The following EPHA6 variants were observed in gnomAD, a reference collection of about 807,000 sequenced individuals.
EPHA6 encodes the protein ephrin type-A receptor 6.
EPHA6 carries 50 observed loss-of-function variants against 112.0 expected under a neutral mutation model. The ratio of observed to expected loss-of-function variants is 0.45; its 90% CI spans 0.36 to 0.56. The LOEUF is 0.56. Among genes scored for constraint, EPHA6 ranks in the 20% least tolerant of loss-of-function variants. The pLI, the probability that EPHA6 is intolerant of heterozygous loss-of-function variation, is 0.00. For synonymous variants in EPHA6, 529 were observed against 490.7 expected, an observed-to-expected ratio of 1.08 and a Z score of -1.03; for missense variants, 1,280 against 1,417.4, an observed-to-expected ratio of 0.90 and a Z score of 1.56.
chr3:97,406,249 A>C (rs936169591), intron 6 of EPHA6, among the ~76,000 whole-genome samples: 2 of 152,162 alleles, frequency 1.3e-5, no homozygotes, highest in Non-Finnish European at 2.9e-5. Flanking sequence ...AGAATACCAC[A>C]GATGGAGTAA....
chr3:97,648,110 A>G (rs2094079773), intron 14 of EPHA6, among the ~76,000 whole-genome samples: 1 of 152,140 alleles, frequency 6.6e-6, no homozygotes, highest in Non-Finnish European at 1.5e-5. Context: ...CCTTGATTTT[A>G]ACTTCTAATT....
intron 3 of EPHA6, among the ~76,000 whole-genome samples, chr3:97,011,771 T>C (rs1341503492): frequency 6.6e-6 from 1 of 152,184 alleles, no homozygotes; most frequent in East Asian, 1.9e-4. Flanking sequence ...TAATACTCAA[T>C]AGTTTTTCAA....
intron 2 of EPHA6, among the ~76,000 whole-genome samples, chr3:96,887,503 G>T (rs1334612798): frequency 1.3e-5 from 2 of 152,166 alleles, no homozygotes; most frequent in African/African-American, 4.8e-5. Flanking sequence ...GGGAGCAGGG[G>T]TGCAACAGGA....
At chr3:97,457,177 A>G (rs1432021464) in intron 7 of EPHA6, among the ~76,000 whole-genome samples, 1 of 152,228 alleles carries the variant, frequency 6.6e-6, no homozygotes, top group Admixed American at 6.5e-5. Flanking sequence ...AAGCTCAAGT[A>G]GGGAATACAA....
intron 11 of EPHA6, among the ~76,000 whole-genome samples, chr3:97,548,764 G>T (rs931254482): frequency 6.6e-6 from 1 of 152,182 alleles, no homozygotes; most frequent in African/African-American, 2.4e-5. Context: ...GTGGTTGAAG[G>T]ACACCTGGGA....
intron 3 of EPHA6, among the ~76,000 whole-genome samples, chr3:97,099,182 C>T (rs1457117098): frequency 6.6e-6 from 1 of 151,856 alleles, no homozygotes; most frequent in Non-Finnish European, 1.5e-5. Flanking sequence ...GTTTAAGCTT[C>T]CTTATTGTTA....
intron 16 of EPHA6, among the ~76,000 whole-genome samples, chr3:97,737,064 C>A (rs9864542): frequency 0.48 from 73,166 of 151,806 alleles, 18,230 homozygotes; most frequent in East Asian, 0.72. Flanking sequence ...GAGTTCACCT[C>A]TAAATCACTA....
intron 3 of EPHA6, among the ~76,000 whole-genome samples, chr3:97,198,157 T>C (rs1229879403): frequency 6.6e-6 from 1 of 152,132 alleles, no homozygotes; most frequent in African/African-American, 2.4e-5. Context: ...TTTTTGTTCC[T>C]CCAAAGATGT....
chr3:97,411,119 AATTAAAACAGC>A (rs1311495491), intron 6 of EPHA6, among the ~76,000 whole-genome samples: 2 of 151,888 alleles, frequency 1.3e-5, no homozygotes, highest in Non-Finnish European at 2.9e-5. Context: ...ATTTGGTACT[AATTAAAACAGC>A]ATTACCTGAA....
chr3:97,156,999 C>G (rs1173664433), intron 3 of EPHA6, among the ~76,000 whole-genome samples: 4 of 151,980 alleles, frequency 2.6e-5, no homozygotes, highest in Non-Finnish European at 5.9e-5. Flanking sequence ...ACCATTCTTG[C>G]TTAAGAAGTA....
intron 3 of EPHA6, among the ~76,000 whole-genome samples, chr3:97,094,135 A>G (rs573799008): frequency 6.6e-6 from 1 of 152,270 alleles, no homozygotes; most frequent in East Asian, 1.9e-4. Context: ...GCCTTTCAAT[A>G]AAGTTTCTTT....
At chr3:97,581,905 T>C (rs531216216) in intron 11 of EPHA6, among the ~76,000 whole-genome samples, 1 of 152,372 alleles carries the variant, frequency 6.6e-6, no homozygotes, top group African/African-American at 2.4e-5. Context: ...ATATGGGGTA[T>C]TCTTTCTTTG....
intron 2 of EPHA6, among the ~76,000 whole-genome samples, chr3:96,936,701 T>C (rs919224234): frequency 1.2e-4 from 19 of 152,264 alleles, no homozygotes; most frequent in African/African-American, 4.6e-4. Flanking sequence ...GTTGGTGTGC[T>C]GCACCCATTA....
At chr3:96,997,895 A>G (rs1255108935) in intron 3 of EPHA6, among the ~76,000 whole-genome samples, 3 of 152,166 alleles carry the variant, frequency 2.0e-5, no homozygotes, top group Admixed American at 1.3e-4. Flanking sequence ...AGAAAATGCA[A>G]TATCTGCAAA....
chr3:97,648,844 C>T (rs1385054929), intron 14 of EPHA6, among the ~76,000 whole-genome samples: 1 of 152,172 alleles, frequency 6.6e-6, no homozygotes, highest in African/African-American at 2.4e-5. Flanking sequence ...CATTGAAATT[C>T]TACCACAGGA....
At chr3:97,114,807 C>A (rs1470415119) in intron 3 of EPHA6, among the ~76,000 whole-genome samples, 1 of 152,008 alleles carries the variant, frequency 6.6e-6, no homozygotes, top group Non-Finnish European at 1.5e-5. Flanking sequence ...TTTTTTCTCT[C>A]AACATTCTCA....
chr3:97,282,532 C>G (rs1219713302), intron 5 of EPHA6, among the ~76,000 whole-genome samples: 1 of 152,260 alleles, frequency 6.6e-6, no homozygotes, highest in South Asian at 2.1e-4. Flanking sequence ...AAGATACATG[C>G]ATGCGTATGT....
intron 13 of EPHA6, among the ~76,000 whole-genome samples, chr3:97,633,801 C>A (rs1441142448): frequency 6.6e-6 from 1 of 151,888 alleles, no homozygotes. Flanking sequence ...TGAGGAAGAC[C>A]AGAAAAAGGA....
chr3:96,873,265 GA>G (rs879807194), intron 2 of EPHA6, among the ~76,000 whole-genome samples: 95 of 140,272 alleles, frequency 6.8e-4, no homozygotes, highest in Middle Eastern at 3.6e-3. Context: ...TTTCATCTCA[GA>G]AAAAAAAAAA....
Sources: allele counts gnomAD v4.1 joint callset (sites outside exome capture counted in the v4.1 genomes callset), GRCh38; gene constraint gnomAD v4.1.1; transcripts MANE v1.5; gene names NCBI Gene and HGNC (gene_info 2026-07-23, HGNC 2026-07-21).